The following TENM3 variants were observed in gnomAD, a reference collection of about 807,000 sequenced individuals.
TENM3 encodes the protein teneurin transmembrane protein 3, also known as teneurin-3.
In TENM3, 63 loss-of-function variants were observed where a neutral mutation model predicts 255.1. The ratio of observed to expected loss-of-function variants is 0.25; its 90% CI spans 0.20 to 0.30. TENM3 has a LOEUF of 0.30. Among genes scored for constraint, TENM3 ranks in the 10% least tolerant of loss-of-function variants. TENM3 has a pLI of 1.00. For missense variants in TENM3, 2,929 were observed against 3,461.1 expected (o/e 0.85, Z 3.86); for synonymous variants, 1,306 against 1,322.3 (o/e 0.99, Z 0.27).
chr4:182,307,232 T>A (rs1762186565), intron 1 of TENM3, among the ~76,000 whole-genome samples: 1 of 152,164 alleles, frequency 6.6e-6, no homozygotes, highest in Admixed American at 6.5e-5. Context: ...TAGCAATCAT[T>A]ACTACTTGGT....
intron 3 of TENM3, among the ~76,000 whole-genome samples, chr4:182,511,789 T>A (rs1406875178): frequency 1.3e-5 from 2 of 152,204 alleles, no homozygotes; most frequent in East Asian, 3.8e-4. Context: ...TATAAATAAA[T>A]GACATATGAC....
intron 3 of TENM3, among the ~76,000 whole-genome samples, chr4:182,447,613 G>A (rs1773036053): frequency 6.6e-6 from 1 of 152,158 alleles, no homozygotes; most frequent in South Asian, 2.1e-4. Flanking sequence ...AGAGAACACT[G>A]ATCCTTCCTT....
the TENM3 span, among the ~76,000 whole-genome samples, chr4:181,911,905 A>T: frequency 6.6e-6 from 1 of 152,234 alleles, no homozygotes; most frequent in Non-Finnish European, 1.5e-5. Flanking sequence ...GTGGCTTAGA[A>T]ATCAATTAGA....
the TENM3 span, among the ~76,000 whole-genome samples, chr4:181,503,808 A>G: frequency 2.6e-5 from 4 of 152,178 alleles, no homozygotes; most frequent in African/African-American, 9.7e-5. Context: ...TGGCATTTAA[A>G]GCCTTTCTTC....
At chr4:181,660,142 T>C in the TENM3 span, among the ~76,000 whole-genome samples, 1 of 152,168 alleles carries the variant, frequency 6.6e-6, no homozygotes, top group Non-Finnish European at 1.5e-5. Flanking sequence ...AATGAAACGT[T>C]CCTAATTCGC....
the TENM3 span, among the ~76,000 whole-genome samples, chr4:181,763,127 T>C: frequency 6.6e-6 from 1 of 152,176 alleles, no homozygotes; most frequent in Admixed American, 6.5e-5. Context: ...ATAGGAATCT[T>C]CTTTTTTATC....
chr4:181,988,289 A>G, the TENM3 span, among the ~76,000 whole-genome samples: 3 of 151,998 alleles, frequency 2.0e-5, no homozygotes, highest in Non-Finnish European at 2.9e-5. Flanking sequence ...CTCTCCACAT[A>G]TAATATGTCA....
intron 1 of TENM3, among the ~76,000 whole-genome samples, chr4:182,223,569 A>T (rs541199212): frequency 8.5e-4 from 130 of 152,226 alleles, no homozygotes; most frequent in African/African-American, 2.9e-3. Context: ...ATGTGACCTC[A>T]TTTGCTCCTA....
At chr4:181,846,175 C>G in the TENM3 span, among the ~76,000 whole-genome samples, 1 of 152,060 alleles carries the variant, frequency 6.6e-6, no homozygotes, top group South Asian at 2.1e-4. Context: ...AACATTAGAA[C>G]TGCTTATTGT....
chr4:181,778,866 A>G, the TENM3 span, among the ~76,000 whole-genome samples: 934 of 152,224 alleles, frequency 6.1e-3, 13 homozygotes, highest in African/African-American at 0.021. Context: ...TATTGGGTGT[A>G]TCGGTTCAAA....
At chr4:182,231,377 G>T (rs528168261) in intron 1 of TENM3, among the ~76,000 whole-genome samples, 1 of 152,090 alleles carries the variant, frequency 6.6e-6, no homozygotes, top group Non-Finnish European at 1.5e-5. Context: ...AAAAAGGAAC[G>T]CGTAGAGGTA....
chr4:182,713,435 A>G (rs556180518), intron 12 of TENM3, among the ~76,000 whole-genome samples: 1 of 152,260 alleles, frequency 6.6e-6, no homozygotes, highest in South Asian at 2.1e-4. Context: ...CTGCTTCACT[A>G]TTTCCTGGGC....
the TENM3 span, among the ~76,000 whole-genome samples, chr4:181,985,286 T>C: frequency 1.3e-5 from 2 of 151,764 alleles, no homozygotes; most frequent in African/African-American, 4.8e-5. Flanking sequence ...TCCCCAGGCT[T>C]TATTGTAGCA....
At chr4:182,508,269 G>A (rs1351061099) in intron 3 of TENM3, among the ~76,000 whole-genome samples, 1 of 152,136 alleles carries the variant, frequency 6.6e-6, no homozygotes, top group African/African-American at 2.4e-5. Flanking sequence ...AATTTTCTCA[G>A]TTATAAATAT....
the TENM3 span, among the ~76,000 whole-genome samples, chr4:181,863,283 G>A: frequency 6.6e-6 from 1 of 152,054 alleles, no homozygotes; most frequent in Non-Finnish European, 1.5e-5. Context: ...AGAACTGTAA[G>A]CAATGCATTT....
the TENM3 span, among the ~76,000 whole-genome samples, chr4:181,474,173 G>C: frequency 6.6e-6 from 1 of 151,956 alleles, no homozygotes; most frequent in African/African-American, 2.4e-5. Context: ...AGGGGGATGG[G>C]GAGTTAGGGG....
At chr4:182,564,641 T>C (rs540144963) in intron 3 of TENM3, among the ~76,000 whole-genome samples, 2 of 151,184 alleles carry the variant, frequency 1.3e-5, no homozygotes, top group African/African-American at 4.8e-5. Flanking sequence ...ACACGGTAAA[T>C]ATTGAAGGCA....
the TENM3 span, among the ~76,000 whole-genome samples, chr4:181,511,939 G>A: frequency 2.0e-5 from 3 of 152,114 alleles, no homozygotes; most frequent in African/African-American, 7.2e-5. Flanking sequence ...GGGCCCCTAA[G>A]AGTCTGTGTT....
the TENM3 span, among the ~76,000 whole-genome samples, chr4:181,796,491 G>A: frequency 6.6e-6 from 1 of 152,214 alleles, no homozygotes; most frequent in Non-Finnish European, 1.5e-5. Context: ...GGCATGTGGA[G>A]AGTGGCCTGA....
Sources: allele counts gnomAD v4.1 joint callset (sites outside exome capture counted in the v4.1 genomes callset), GRCh38; gene constraint gnomAD v4.1.1; transcripts MANE v1.5; gene names NCBI Gene and HGNC (gene_info 2026-07-23, HGNC 2026-07-21).